The following MGAT4C variants were observed in gnomAD, a reference collection of about 807,000 sequenced individuals.
The protein encoded by MGAT4C is alpha-1,3-mannosyl-glycoprotein 4-beta-N-acetylglucosaminyltransferase C.
MGAT4C carries 19 observed loss-of-function variants against 40.1 expected under a neutral mutation model. That is an observed-to-expected ratio of 0.47 (90% CI 0.33 to 0.70). The LOEUF (loss-of-function observed/expected upper bound fraction) is 0.70, where lower values mean the gene tolerates loss of function less well. Among genes scored for constraint, MGAT4C ranks in the 30% least tolerant of loss-of-function variants. The probability of loss-of-function intolerance (pLI) is 0.02; values close to 1 mark genes in which losing one functional copy is unlikely to be tolerated. For synonymous variants in MGAT4C, 181 were observed against 187.1 expected, an observed-to-expected ratio of 0.97 and a Z score of 0.27; for missense variants, 491 against 563.2, an observed-to-expected ratio of 0.87 and a Z score of 1.30.
intron 4 of MGAT4C, among the ~76,000 whole-genome samples, chr12:86,304,160 T>G (rs1953879541): frequency 6.6e-6 from 1 of 150,682 alleles, no homozygotes; most frequent in Admixed American, 6.6e-5. Flanking sequence ...ATAATCAAAA[T>G]ATTTGAGGCT....
intron 2 of MGAT4C, among the ~76,000 whole-genome samples, chr12:86,670,552 T>C (rs904977862): frequency 1.3e-5 from 2 of 151,968 alleles, no homozygotes; most frequent in African/African-American, 4.8e-5. Context: ...TTAAAAAAAA[T>C]GAACAAATCT....
At chr12:86,494,969 T>G (rs1246634707) in intron 2 of MGAT4C, among the ~76,000 whole-genome samples, 1 of 152,042 alleles carries the variant, frequency 6.6e-6, no homozygotes, top group Non-Finnish European at 1.5e-5. Context: ...GTATTTCTAA[T>G]AAAACCGAAA....
intron 2 of MGAT4C, among the ~76,000 whole-genome samples, chr12:86,455,826 A>T (rs1957500225): frequency 6.6e-6 from 1 of 152,096 alleles, no homozygotes; most frequent in South Asian, 2.1e-4. Context: ...GTGTGTTCCT[A>T]CCATTATTCG....
intron 2 of MGAT4C, among the ~76,000 whole-genome samples, chr12:86,038,816 C>A (rs1891507965): frequency 6.7e-6 from 1 of 149,754 alleles, no homozygotes; most frequent in South Asian, 2.1e-4. Flanking sequence ...GATACAGTTT[C>A]TTCATAGTGT....
intron 1 of MGAT4C, among the ~76,000 whole-genome samples, chr12:86,166,795 A>G (rs1886244687): frequency 6.6e-6 from 1 of 152,174 alleles, no homozygotes; most frequent in African/African-American, 2.4e-5. Flanking sequence ...ACATTATATA[A>G]CGTACATAAA....
At chr12:86,170,778 A>C (rs839111) in intron 1 of MGAT4C, among the ~76,000 whole-genome samples, 134,696 of 151,832 alleles carry the variant, frequency 0.89, 59,985 homozygotes, top group East Asian at 1. Flanking sequence ...CAAGGCAAAA[A>C]CCCATCTCTA....
intron 3 of MGAT4C, among the ~76,000 whole-genome samples, chr12:86,373,234 G>A (rs953767958): frequency 6.6e-6 from 1 of 151,854 alleles, no homozygotes; most frequent in African/African-American, 2.4e-5. Context: ...GAATCTGTTT[G>A]ATTACAAATG....
chr12:86,809,228 G>C (rs539347488), intron 1 of MGAT4C, among the ~76,000 whole-genome samples: 3 of 151,954 alleles, frequency 2.0e-5, no homozygotes, highest in Non-Finnish European at 2.9e-5. Flanking sequence ...CTGAGTTATT[G>C]AATGTGTATA....
At chr12:86,813,575 AC>A (rs1301439306) in intron 1 of MGAT4C, among the ~76,000 whole-genome samples, 2 of 151,958 alleles carry the variant, frequency 1.3e-5, no homozygotes, top group Non-Finnish European at 2.9e-5. Flanking sequence ...TTTATTTATC[AC>A]CCTGATAATA....
chr12:86,800,480 TTC>T (rs1434634368), intron 1 of MGAT4C, among the ~76,000 whole-genome samples: 1 of 151,854 alleles, frequency 6.6e-6, no homozygotes, highest in Non-Finnish European at 1.5e-5. Context: ...GGTTTCTGTT[TTC>T]ATATTGAGCT....
At chr12:86,158,737 T>A (rs1034942435) in intron 1 of MGAT4C, among the ~76,000 whole-genome samples, 1 of 152,198 alleles carries the variant, frequency 6.6e-6, no homozygotes. Flanking sequence ...ATTCACAAGT[T>A]ATAATTAGAT....
At chr12:86,541,413 T>C (rs1187876152) in intron 2 of MGAT4C, among the ~76,000 whole-genome samples, 1 of 152,178 alleles carries the variant, frequency 6.6e-6, no homozygotes, top group African/African-American at 2.4e-5. Context: ...TGGTAGATTA[T>C]GCAAAAGTTC....
chr12:86,064,819 T>G (rs1323167124), intron 1 of MGAT4C, among the ~76,000 whole-genome samples: 2 of 151,728 alleles, frequency 1.3e-5, no homozygotes, highest in Admixed American at 6.6e-5. Flanking sequence ...CTAACCAGAT[T>G]AATAAAGAAG....
chr12:86,299,517 G>A (rs11103917), intron 4 of MGAT4C, among the ~76,000 whole-genome samples: 1 of 152,100 alleles, frequency 6.6e-6, no homozygotes, highest in Non-Finnish European at 1.5e-5. Flanking sequence ...TTGTCCTTTA[G>A]TTTGGGTCAA....
chr12:86,585,753 C>CT (rs1319473578), intron 2 of MGAT4C, among the ~76,000 whole-genome samples: 79 of 132,952 alleles, frequency 5.9e-4, no homozygotes, highest in Admixed American at 9.2e-4. Flanking sequence ...TTTAATTTTT[C>CT]TTTTTTTTTT....
chr12:86,408,216 T>C (rs1565739883), intron 3 of MGAT4C, among the ~76,000 whole-genome samples: 1 of 151,974 alleles, frequency 6.6e-6, no homozygotes, highest in Non-Finnish European at 1.5e-5. Flanking sequence ...TTCTATTTTG[T>C]AGTATGCTTC....
At chr12:86,335,121 A>G (rs1954754006) in intron 3 of MGAT4C, among the ~76,000 whole-genome samples, 1 of 152,144 alleles carries the variant, frequency 6.6e-6, no homozygotes. Context: ...TGAATTTTCT[A>G]GTTAACTATC....
intron 2 of MGAT4C, among the ~76,000 whole-genome samples, chr12:86,515,425 T>C (rs1392791538): frequency 6.6e-6 from 1 of 152,076 alleles, no homozygotes; most frequent in African/African-American, 2.4e-5. Flanking sequence ...ATAAACAAAT[T>C]CAGCAAGGTT....
chr12:86,738,433 T>A (rs1249800717), intron 1 of MGAT4C, among the ~76,000 whole-genome samples: 3 of 151,452 alleles, frequency 2.0e-5, no homozygotes, highest in Non-Finnish European at 4.4e-5. Context: ...TTAATTTGTT[T>A]TCCTTCTAGA....
Sources: allele counts gnomAD v4.1 joint callset (sites outside exome capture counted in the v4.1 genomes callset), GRCh38; gene constraint gnomAD v4.1.1; transcripts MANE v1.5; gene names NCBI Gene and HGNC (gene_info 2026-07-23, HGNC 2026-07-21).